The following MRAP2 variants were observed in gnomAD, a reference collection of about 807,000 sequenced individuals.
MRAP2 encodes melanocortin 2 receptor accessory protein 2, also known as melanocortin-2 receptor accessory protein 2.
MRAP2 carries 20 observed loss-of-function variants against 17.4 expected under a neutral mutation model. The observed-to-expected ratio is 1.15, with a 90% CI of 0.81 to 1.67. The LOEUF is 1.67. Among genes scored for constraint, MRAP2 ranks in the 40% most tolerant of loss-of-function variants. MRAP2 has a pLI of 0.00. For missense variants in MRAP2, 238 were observed against 240.0 expected, an observed-to-expected ratio of 0.99 and a Z score of 0.05; for synonymous variants, 96 against 88.4, an observed-to-expected ratio of 1.09 and a Z score of -0.48.
At chr6:84,087,994 T>C (rs1182820100) in intron 3 of MRAP2, among the ~76,000 whole-genome samples, 3 of 152,150 alleles carry the variant, frequency 2.0e-5, no homozygotes, top group African/African-American at 7.2e-5. Flanking sequence ...CTGTGTTTTT[T>C]TTGTTTTTGT....
chr6:84,076,669 T>C (rs935594817), intron 3 of MRAP2, among the ~76,000 whole-genome samples: 2 of 152,140 alleles, frequency 1.3e-5, no homozygotes, highest in Non-Finnish European at 2.9e-5. Flanking sequence ...CAGGCATATG[T>C]ATCTTTAAAA....
intron 3 of MRAP2, among the ~76,000 whole-genome samples, chr6:84,068,176 C>T (rs923595685): frequency 2.0e-5 from 3 of 151,858 alleles, no homozygotes; most frequent in Non-Finnish European, 4.4e-5. Context: ...TTTTTGTTTG[C>T]TTTTTTGAAG....
the MRAP2 span, among the ~76,000 whole-genome samples, chr6:84,109,442 A>G: frequency 6.6e-6 from 1 of 151,982 alleles, no homozygotes; most frequent in Non-Finnish European, 1.5e-5. Flanking sequence ...GTTGTGAATG[A>G]AAGTTCATTC....
At chr6:84,142,950 T>C in the MRAP2 span, among the ~76,000 whole-genome samples, 1 of 152,102 alleles carries the variant, frequency 6.6e-6, no homozygotes, top group South Asian at 2.1e-4. Context: ...TGAATTTTCA[T>C]AAGCAATCCA....
intron 1 of MRAP2, among the ~76,000 whole-genome samples, chr6:84,035,022 A>G (rs2099485603): frequency 6.6e-6 from 1 of 152,154 alleles, no homozygotes; most frequent in South Asian, 2.1e-4. Context: ...GAGCTGGGGT[A>G]CCCACAAGGA....
intron 3 of MRAP2, among the ~76,000 whole-genome samples, chr6:84,066,299 C>T (rs1163082873): frequency 6.6e-6 from 1 of 152,124 alleles, no homozygotes; most frequent in Non-Finnish European, 1.5e-5. Flanking sequence ...GATGTTCCCT[C>T]AGGGCCATAT....
chr6:84,112,297 T>A, the MRAP2 span, among the ~76,000 whole-genome samples: 4 of 152,372 alleles, frequency 2.6e-5, no homozygotes, highest in East Asian at 7.7e-4. Flanking sequence ...TATTGGTCTA[T>A]TCAGGGATTT....
downstream of MRAP2, among the ~76,000 whole-genome samples, chr6:84,094,029 T>C (rs1180848413): frequency 6.6e-6 from 1 of 152,200 alleles, no homozygotes; most frequent in East Asian, 1.9e-4. Flanking sequence ...TTTCTGCTGG[T>C]ATAACATTTT....
the MRAP2 span, among the ~76,000 whole-genome samples, chr6:84,113,485 C>T: frequency 4.6e-5 from 7 of 152,276 alleles, no homozygotes; most frequent in East Asian, 1.9e-4. Context: ...TGTCTCTGCA[C>T]GTGACATGGG....
At chr6:84,125,056 A>T in the MRAP2 span, 1 of 1,599,352 alleles carries the variant, frequency 6.3e-7, no homozygotes. Flanking sequence ...GTCATTATGA[A>T]ATCTGAATTT....
chr6:84,033,850 A>G lies in MRAP2; in HGVS notation c.-41A>G. On this transcript the variant is annotated 5_prime_UTR_variant, in exon 1 of 4. Coordinates refer to ENST00000257776, the MANE Select transcript of MRAP2 (RefSeq NM_138409.4). The stretch of plus-strand genomic sequence containing the variant: ...CTCGGAGGAGCCAGGAGCCGGAACC[A>G]GGGCCGAGCCCGCGGGCCGGGGCTA... The G allele has an allele frequency of 2.0e-6, 2 of 986,966 alleles. No homozygotes were observed. Among genetic ancestry groups the G allele is most frequent in the South Asian group, 4.5e-5 (1 of 22,102 alleles). The allele number at this position is 986,966 out of a possible 1,614,324, so 61.1% of individuals were successfully genotyped here.
chr6:84,041,246 C>G (rs1207281268), intron 1 of MRAP2, among the ~76,000 whole-genome samples: 1 of 152,202 alleles, frequency 6.6e-6, no homozygotes, highest in African/African-American at 2.4e-5. Flanking sequence ...AAACAGAGGT[C>G]AAGAATTGAG....
rs561650833 is a variant in MRAP2 at position 84,060,846 on chromosome 6, C to T, written c.128-2047C>T. The stretch of plus-strand genomic sequence containing the variant: ...GACTACAGGCGCCTGCCACCACACC[C>T]GGCTAATTTTTTTTTTTTTTTTTTT... On this transcript the variant is annotated intron_variant, in intron 2 of 3. Transcript: ENST00000257776. 6.8e-3 allele frequency among the ~76,000 whole-genome samples: 1,003 copies of T among 146,728 alleles called. 14 individuals carry two copies. The highest frequency in any genetic ancestry group is 0.024 in the African/African-American group (928 of 38,260).
At chr6:84,076,212 T>C (rs1310601912) in intron 3 of MRAP2, among the ~76,000 whole-genome samples, 3 of 150,170 alleles carry the variant, frequency 2.0e-5, no homozygotes, top group Non-Finnish European at 1.5e-5. Flanking sequence ...GGGTGTCCAC[T>C]ACACCCAGCT....
the MRAP2 span, among the ~76,000 whole-genome samples, chr6:84,129,532 TG>T: frequency 4.9e-4 from 74 of 152,280 alleles, no homozygotes; most frequent in East Asian, 0.011. Flanking sequence ...TTGATGGGGA[TG>T]TTTTTTTTCT....
intron 1 of MRAP2, among the ~76,000 whole-genome samples, chr6:84,039,626 A>G (rs1015249233): frequency 1.2e-4 from 19 of 152,338 alleles, no homozygotes; most frequent in African/African-American, 4.6e-4. Flanking sequence ...GACCTGTGTA[A>G]TTTTTGCCTC....
the MRAP2 span, among the ~76,000 whole-genome samples, chr6:84,141,413 C>T: frequency 6.6e-6 from 1 of 152,166 alleles, no homozygotes; most frequent in African/African-American, 2.4e-5. Flanking sequence ...TTAACATCTA[C>T]ATCTGCTATA....
chr6:84,069,193 C>G (rs1469978393), intron 3 of MRAP2, among the ~76,000 whole-genome samples: 3 of 151,914 alleles, frequency 2.0e-5, no homozygotes, highest in African/African-American at 7.3e-5. Flanking sequence ...TCGGAGGGAA[C>G]TTTTCAGCTT....
the MRAP2 span, among the ~76,000 whole-genome samples, chr6:84,122,013 G>GA: frequency 3.7e-4 from 57 of 152,146 alleles, no homozygotes; most frequent in Non-Finnish European, 4.9e-4. Context: ...CATTGAAAGA[G>GA]TAAACCAAAT....
Sources: gnomAD v4.1 joint callset for allele counts (sites outside exome capture counted in the v4.1 genomes callset) on GRCh38, gnomAD v4.1.1 for gene constraint, MANE v1.5 for transcripts, NCBI Gene and HGNC (gene_info 2026-07-23, HGNC 2026-07-21) for gene names.